GPSM2: variants seen among roughly 807,000 people sequenced by gnomAD.
GPSM2 encodes the protein G protein-signaling modulator 2.
Under a neutral mutation model 78.4 loss-of-function variants are expected in GPSM2, and 58 were observed. The observed-to-expected ratio is 0.74, with a 90% CI of 0.60 to 0.92. The LOEUF is 0.92. GPSM2 is among the 40% of genes least tolerant of loss of function. GPSM2 has a pLI of 0.00. For synonymous variants in GPSM2, 224 were observed against 280.2 expected, an observed-to-expected ratio of 0.80 and a Z score of 2.00; for missense variants, 700 against 815.5, an observed-to-expected ratio of 0.86 and a Z score of 1.73.
intron 5 of GPSM2, 92 bp from the exon 6 acceptor site, chr1:108,898,549 AT>A: frequency 1.6e-6 from 2 of 1,216,328 alleles, no homozygotes; most frequent in Non-Finnish European, 2.4e-6. Context: ...GCTTCCCTAC[AT>A]TTTTTTCTGA....
chr1:108,931,567 C>A lies in GPSM2; in HGVS notation c.*1627C>A. The A allele has an allele frequency of 6.9e-7, 1 of 1,442,024 alleles. No individual in the cohort carries two copies. The highest frequency in any genetic ancestry group is 9.2e-7 in the Non-Finnish European group (1 of 1,087,624). 89.3% of individuals were successfully genotyped at this position (1,442,024 alleles called of 1,614,324 possible). A position where few individuals can be genotyped will look rare whatever the true frequency, so the allele number is the denominator to read the frequency against. The stretch of plus-strand genomic sequence containing the variant: ...TTTGGATGGGCAAATAGAACTATTT[C>A]TCTAATGGCCAATGTTTTTTAAGAG... On this transcript the variant is annotated 3_prime_UTR_variant, in exon 15 of 15. Transcript: ENST00000264126.
In GPSM2 at chr1:108,931,287, A is replaced by T; in HGVS notation, c.*1347A>T. ...GATGTCAGCTAGAACCTTAGTTGTC[A>T]TTAAGCTTTGTCTTCCTTATCCCAG... On this transcript the variant is annotated 3_prime_UTR_variant, in exon 15 of 15. Coordinates refer to ENST00000264126, the MANE Select transcript of GPSM2 (RefSeq NM_013296.5). The T allele has an allele frequency of 6.6e-7, 1 of 1,521,982 alleles. No individual in the cohort carries two copies. Among genetic ancestry groups the T allele is most frequent in the Non-Finnish European group, 8.8e-7 (1 of 1,133,478 alleles). The allele number at this position is 1,521,982 out of a possible 1,614,324, so 94.3% of individuals were successfully genotyped here.
At chr1:108,914,453 A>C (rs769513778) in intron 11 of GPSM2, 45 bp downstream of exon 11, 2 of 1,255,890 alleles carry the variant, frequency 1.6e-6, no homozygotes, top group South Asian at 2.5e-5. Flanking sequence ...ACTATTATAA[A>C]ATGTTTTAGT....
At chr1:108,894,164 T>C (rs1393098318) in intron 2 of GPSM2, among the ~76,000 whole-genome samples, 1 of 152,226 alleles carries the variant, frequency 6.6e-6, no homozygotes, top group Non-Finnish European at 1.5e-5. Context: ...TTTTATGAAA[T>C]ATCTCATTTT....
chr1:108,924,517 G>A (rs766233117), intron 14 of GPSM2, among the ~76,000 whole-genome samples: 2 of 152,152 alleles, frequency 1.3e-5, no homozygotes, highest in Admixed American at 6.5e-5. Context: ...AACTTTAAAG[G>A]AGGATAAAGG....
At chr1:108,917,666 A>ATATATATATATATATG (rs1553215429) in intron 11 of GPSM2, among the ~76,000 whole-genome samples, 1 of 83,986 alleles carries the variant, frequency 1.2e-5, no homozygotes, top group Non-Finnish European at 2.3e-5. Flanking sequence ...ATATATATAT[A>ATATATATATATATATG]AATGAGTTCT....
At chr1:108,901,132 A>G (rs937535620) in intron 7 of GPSM2, among the ~76,000 whole-genome samples, 1 of 152,242 alleles carries the variant, frequency 6.6e-6, no homozygotes, top group Non-Finnish European at 1.5e-5. Context: ...ACTGGTATAC[A>G]GAGAGATTGA....
intron 2 of GPSM2, among the ~76,000 whole-genome samples, chr1:108,887,381 C>T (rs1374127892): frequency 6.6e-6 from 1 of 152,128 alleles, no homozygotes; most frequent in East Asian, 1.9e-4. Flanking sequence ...CTCTCCAGGA[C>T]GTAACATACA....
Position 108,924,025 on chromosome 1 carries a change from C to T in GPSM2, c.1626C>T (p.Pro542=), listed in dbSNP as rs764795652. ...LKTSSVPVVS[P]NTDEFLDLLA... ...CATCATCTGTTCCTGTGGTATCCCC[C>T]AACACGGATGAGTTTTTAGATCTTC... Residue 542 remains proline, a synonymous_variant, in exon 14 of 15, where the codon CCC becomes CCT. Transcript: ENST00000264126. The T allele has an allele frequency of 3.1e-6, 5 of 1,609,952 alleles. No homozygotes were observed. The highest frequency in any genetic ancestry group is 1.7e-5 in the Admixed American group (1 of 59,976).
At position 108,922,474 on chromosome 1, in the gene GPSM2, C is replaced by CA. The variant is rs761092578; in HGVS notation, c.1501dup (p.Ser501LysfsTer3). ...GTTCTTTGACTTATTAAGCCGATTT[C>CA]AAAGCAATAGGATGGATGATCAGAG... On this transcript the variant is annotated frameshift_variant, in exon 13 of 15. Coordinates refer to ENST00000264126, the MANE Select transcript of GPSM2 (RefSeq NM_013296.5). LOFTEE classifies it high-confidence loss of function. 6.2e-7 allele frequency: 1 copy of CA among 1,612,200 alleles called. No homozygotes were observed. Among genetic ancestry groups the CA allele is most frequent in the Non-Finnish European group, 8.5e-7 (1 of 1,178,358 alleles).
chr1:108,927,189 G>GACTTAA (rs1281754919), intron 14 of GPSM2, among the ~76,000 whole-genome samples: 2 of 152,170 alleles, frequency 1.3e-5, no homozygotes, highest in East Asian at 3.8e-4. Context: ...TGGATTAGAA[G>GACTTAA]ACTTAATAAT....
intron 10 of GPSM2, among the ~76,000 whole-genome samples, chr1:108,906,986 T>G (rs1649284385): frequency 6.6e-6 from 1 of 152,150 alleles, no homozygotes; most frequent in Non-Finnish European, 1.5e-5. Context: ...ACGTCGTTCC[T>G]CTGTTCAAAA....
intron 14 of GPSM2, among the ~76,000 whole-genome samples, chr1:108,928,002 G>A (rs1416785852): frequency 1.3e-5 from 2 of 152,088 alleles, no homozygotes; most frequent in Admixed American, 1.3e-4. Flanking sequence ...CATTGGGTTT[G>A]GCAGTGATTT....
chr1:108,917,611 CATAT>C (rs55909258), intron 11 of GPSM2, among the ~76,000 whole-genome samples: 172 of 22,396 alleles, frequency 7.7e-3, no homozygotes, highest in East Asian at 0.011. Context: ...CACACACACA[CATAT>C]ATATATATAT....
intron 7 of GPSM2, among the ~76,000 whole-genome samples, chr1:108,899,705 T>C (rs1161120542): frequency 2.6e-5 from 4 of 152,230 alleles, no homozygotes; most frequent in Admixed American, 2.0e-4. Context: ...GATTGAAGCC[T>C]CTTACAGATT....
At position 108,930,708 on chromosome 1, in the gene GPSM2, G is replaced by A. The variant is rs1651802140; in HGVS notation, c.*768G>A. ...GTTTGAGACCAGCCTGGCCAACATA[G>A]TGAAACCCTGTCTCTACTAAAAATA... On this transcript the variant is annotated 3_prime_UTR_variant, in exon 15 of 15. Transcript: ENST00000264126. The A allele has an allele frequency of 6.6e-6, 1 of 152,454 alleles. No individual in the cohort carries two copies. Among genetic ancestry groups the A allele is most frequent in the Non-Finnish European group, 1.5e-5 (1 of 68,272 alleles). 9.4% of individuals were successfully genotyped at this position (152,454 alleles called of 1,614,324 possible).
At chr1:108,887,008 T>G (rs1647604104) in intron 2 of GPSM2, among the ~76,000 whole-genome samples, 1 of 152,054 alleles carries the variant, frequency 6.6e-6, no homozygotes, top group Non-Finnish European at 1.5e-5. Context: ...TGTCTCAGCT[T>G]CCCGAGTAGC....
chr1:108,894,848 A>C (rs1277049391), intron 2 of GPSM2, among the ~76,000 whole-genome samples: 3 of 152,074 alleles, frequency 2.0e-5, no homozygotes, highest in African/African-American at 7.2e-5. Context: ...GTCTGCTTTG[A>C]ACCTTTACAA....
Position 108,931,194 on chromosome 1 carries a change from C to A in GPSM2, c.*1254C>A. On this transcript the variant is annotated 3_prime_UTR_variant, in exon 15 of 15. Transcript: ENST00000264126. ...AAAAACAAAACCCATGTGGTTAGGT[C>A]AAGAACCTAGGACACATAAACAAAC... 5.5e-6 allele frequency: 6 copies of A among 1,090,124 alleles called. No individual in the cohort carries two copies. Among genetic ancestry groups the A allele is most frequent in the Non-Finnish European group, 7.5e-6 (6 of 798,620 alleles). 67.5% of individuals were successfully genotyped at this position (1,090,124 alleles called of 1,614,324 possible).
Sources: allele counts gnomAD v4.1 joint callset (sites outside exome capture counted in the v4.1 genomes callset), GRCh38; gene constraint gnomAD v4.1.1; transcripts MANE v1.5; gene names NCBI Gene and HGNC (gene_info 2026-07-23, HGNC 2026-07-21).